The following FAM184B variants were observed in gnomAD, a reference collection of about 807,000 sequenced individuals.
FAM184B encodes the protein protein FAM184B.
FAM184B carries 111 observed loss-of-function variants against 135.9 expected under a neutral mutation model. The ratio of observed to expected loss-of-function variants is 0.82; its 90% CI spans 0.70 to 0.96. FAM184B has a LOEUF of 0.96. FAM184B is among the 40% of genes least tolerant of loss of function. The pLI is 0.00. For missense variants in FAM184B, 1,375 were observed against 1,323.9 expected (o/e 1.04, Z -0.60); for synonymous variants, 552 against 524.8 (o/e 1.05, Z -0.71).
intron 1 of FAM184B, among the ~76,000 whole-genome samples, chr4:17,760,427 AC>A (rs1184690919): frequency 6.6e-6 from 1 of 151,282 alleles, no homozygotes; most frequent in Non-Finnish European, 1.5e-5. Flanking sequence ...CCAAGATCGC[AC>A]CACTGTACCC....
chr4:17,706,084 C>T (rs1717113159), intron 3 of FAM184B, among the ~76,000 whole-genome samples, 193 bp from the exon 4 acceptor site: 1 of 152,206 alleles, frequency 6.6e-6, no homozygotes, highest in Admixed American at 6.5e-5. Flanking sequence ...CAAGAAGCCT[C>T]GTGAGCTTAA....
intron 5 of FAM184B, among the ~76,000 whole-genome samples, chr4:17,702,781 G>A (rs1004453271): frequency 2.6e-5 from 4 of 152,202 alleles, no homozygotes; most frequent in Non-Finnish European, 5.9e-5. Flanking sequence ...GGTCAGGTGT[G>A]GCTGACAGGT....
At chr4:17,643,973 GACA>G (rs1482017730) in intron 12 of FAM184B, among the ~76,000 whole-genome samples, 2 of 152,212 alleles carry the variant, frequency 1.3e-5, no homozygotes, top group Non-Finnish European at 1.5e-5. Context: ...GAGCTGTCTT[GACA>G]ACAAGTGCTC....
chr4:17,659,209 G>A lies in FAM184B; in HGVS notation c.1825-647C>T, dbSNP rs1364277272. On this transcript the variant is annotated intron_variant, in intron 9 of 17. Transcript: ENST00000265018. ...CAGCCTCGAACTCCCAAGCTCAAGC[G>A]ACCCTCCCGCCTCAGCCTGCCGCGT... Among the ~76,000 whole-genome samples the A allele has an allele frequency of 1.6e-4, 24 of 149,780 alleles. 1 individual carries two copies. The highest frequency in any genetic ancestry group is 3.3e-4 in the Non-Finnish European group (22 of 67,584).
At chr4:17,650,140 C>G in intron 11 of FAM184B, among the ~76,000 whole-genome samples, 1 of 151,976 alleles carries the variant, frequency 6.6e-6, no homozygotes, top group Non-Finnish European at 1.5e-5. Flanking sequence ...GTCCCTCCAC[C>G]TGTCCACCCA....
chr4:17,701,991 G>A (rs758483), intron 5 of FAM184B, among the ~76,000 whole-genome samples: 1 of 151,994 alleles, frequency 6.6e-6, no homozygotes, highest in African/African-American at 2.4e-5. Context: ...ATGTCTAGTG[G>A]CTTCCGTATT....
rs1715241278 is a variant in FAM184B at position 17,639,357 on chromosome 4, C to G, written c.2559G>C (p.Glu853Asp). The G allele has an allele frequency of 2.6e-6, 4 of 1,551,632 alleles. No individual in the cohort carries two copies. Among genetic ancestry groups the G allele is most frequent in the Non-Finnish European group, 3.5e-6 (4 of 1,147,020 alleles). The change falls in exon 14 of 18, where the codon GAG becomes GAC. Residue 853 changes from glutamate (E) to aspartate (D), a missense_variant. Physicochemically the swap from Glu to Asp is conservative, Grantham distance 45. Coordinates refer to ENST00000265018, the MANE Select transcript of FAM184B (RefSeq NM_015688.2). ...GGTGTTCCTGGCGCAGTGTCTCCAC[C>G]TCCCTGGCCCGCTGGGCTTGCTGAG... ...EETQQAQRAR[E>D]VETLRQEHRK... is the part of the protein sequence containing the mutation.
In FAM184B at chr4:17,654,266, A is replaced by G. The variant is rs191719193; in HGVS notation, c.2038-1283T>C. 1.5e-3 allele frequency among the ~76,000 whole-genome samples: 226 copies of G among 151,378 alleles called. 1 individual carries two copies. Among genetic ancestry groups the G allele is most frequent in the Middle Eastern group, 6.8e-3 (2 of 294 alleles). On this transcript the variant is annotated intron_variant, in intron 10 of 17. Transcript: ENST00000265018. ...CAGGTTTTAGATGAGGAAATGAGAGATGGGCATTGGAGAGATGAATTTGGT... is the reference window on the plus strand; with the variant it reads ...CAGGTTTTAGATGAGGAAATGAGAGGTGGGCATTGGAGAGATGAATTTGGT...
chr4:17,706,215 A>G (rs1717115564), intron 3 of FAM184B, among the ~76,000 whole-genome samples: 1 of 152,252 alleles, frequency 6.6e-6, no homozygotes, highest in South Asian at 2.1e-4. Flanking sequence ...AAAGGATGAA[A>G]CAAAAACCAA....
chr4:17,751,406 G>A (rs1422157957), intron 1 of FAM184B, among the ~76,000 whole-genome samples: 1 of 151,968 alleles, frequency 6.6e-6, no homozygotes, highest in Non-Finnish European at 1.5e-5. Context: ...AAGTGCTGTG[G>A]GGAAAAACCA....
intron 1 of FAM184B, among the ~76,000 whole-genome samples, chr4:17,760,431 C>T (rs1422368540): frequency 6.6e-6 from 1 of 151,216 alleles, no homozygotes; most frequent in Admixed American, 6.6e-5. Context: ...GATCGCACCA[C>T]TGTACCCCAG....
intron 7 of FAM184B, among the ~76,000 whole-genome samples, chr4:17,672,757 A>G (rs1279888099): frequency 6.6e-6 from 1 of 152,042 alleles, no homozygotes; most frequent in East Asian, 1.9e-4. Context: ...CATCTTTTTG[A>G]TATGTTGTTG....
chr4:17,664,688 A>T (rs1321164538), intron 7 of FAM184B, 29 bp from the exon 8 acceptor site: 1 of 1,506,552 alleles, frequency 6.6e-7, no homozygotes. Context: ...AAGAAAAAAA[A>T]AAAAAAGGCA....
At chr4:17,707,562 C>G in intron 3 of FAM184B, 87 bp downstream of exon 3, 15 of 1,508,492 alleles carry the variant, frequency 9.9e-6, no homozygotes, top group Non-Finnish European at 1.3e-5. Flanking sequence ...TCTCTGCTCC[C>G]TTAGCAGGCT....
At chr4:17,634,027 A>AT (rs1160002103) in intron 16 of FAM184B, 139 bp from the exon 17 acceptor site, 9 of 589,082 alleles carry the variant, frequency 1.5e-5, no homozygotes, top group African/African-American at 1.9e-5. Context: ...CTTACATGCT[A>AT]TTTTTTAAAG....
intron 1 of FAM184B, among the ~76,000 whole-genome samples, chr4:17,725,074 G>T (rs976485032): frequency 6.6e-6 from 1 of 152,156 alleles, no homozygotes; most frequent in Non-Finnish European, 1.5e-5. Context: ...TGCTGGCTTT[G>T]TGAGGCAGGG....
At chr4:17,701,914 G>C (rs1046230694) in intron 5 of FAM184B, among the ~76,000 whole-genome samples, 2 of 152,216 alleles carry the variant, frequency 1.3e-5, no homozygotes, top group Non-Finnish European at 2.9e-5. Flanking sequence ...AATGTGGCTA[G>C]TGCCACTGAG....
chr4:17,647,242 G>C (rs1266703998), intron 12 of FAM184B, among the ~76,000 whole-genome samples: 2 of 142,580 alleles, frequency 1.4e-5, no homozygotes, highest in Admixed American at 7.5e-5. Context: ...CAAGTACCCA[G>C]AGCCCATCCC....
intron 1 of FAM184B, among the ~76,000 whole-genome samples, chr4:17,779,275 T>C (rs1464232985): frequency 2.0e-5 from 3 of 152,168 alleles, no homozygotes; most frequent in Non-Finnish European, 2.9e-5. Flanking sequence ...CATAGAAAGA[T>C]TAAATATGAA....
Sources: gnomAD v4.1 joint callset for allele counts (sites outside exome capture counted in the v4.1 genomes callset) on GRCh38, gnomAD v4.1.1 for gene constraint, MANE v1.5 for transcripts, NCBI Gene and HGNC (gene_info 2026-07-23, HGNC 2026-07-21) for gene names.